Variants in APBA1 observed in about 807,000 individuals in gnomAD.
APBA1 encodes the protein amyloid-beta A4 precursor protein-binding family A member 1.
APBA1 carries 55 observed loss-of-function variants against 86.6 expected under a neutral mutation model. That is an observed-to-expected ratio of 0.64 (90% CI 0.51 to 0.80). The LOEUF is 0.80. APBA1 is among the 30% of genes least tolerant of loss of function. The pLI is 0.00. For synonymous variants in APBA1, 511 were observed against 493.9 expected, an observed-to-expected ratio of 1.03 and a Z score of -0.46; for missense variants, 1,090 against 1,183.0, an observed-to-expected ratio of 0.92 and a Z score of 1.15.
intron 2 of APBA1, among the ~76,000 whole-genome samples, chr9:69,505,236 C>T (rs1835939722): frequency 6.6e-6 from 1 of 152,214 alleles, no homozygotes; most frequent in Admixed American, 6.5e-5. Flanking sequence ...AGGCGCACAG[C>T]CATCTTGTGA....
chr9:69,604,344 G>A (rs1822419212), intron 1 of APBA1, among the ~76,000 whole-genome samples: 1 of 146,794 alleles, frequency 6.8e-6, no homozygotes, highest in African/African-American at 2.5e-5. Context: ...ACACATGAGG[G>A]TAAGTGGAGA....
intron 6 of APBA1, 138 bp downstream of exon 6, chr9:69,458,018 T>C: frequency 1.2e-6 from 1 of 841,170 alleles, no homozygotes; most frequent in Non-Finnish European, 1.8e-6. Flanking sequence ...CGCTGGCTTA[T>C]GGGGCGGTTC....
intron 1 of APBA1, among the ~76,000 whole-genome samples, chr9:69,595,891 C>A (rs1032483369): frequency 7.2e-5 from 11 of 152,174 alleles, no homozygotes; most frequent in African/African-American, 2.7e-4. Flanking sequence ...ATCAGTGATG[C>A]TTCAGAGGGG....
chr9:69,517,093 G>A lies in APBA1; in HGVS notation c.118C>T (p.Gln40Ter), dbSNP rs774292528. ...EHPEVEEEQQ[Q>*]PPQQQHYVGR... ...ACATAGTGCTGCTGCTGCGGCGGCT[G>A]CTGCTGTTCCTCTTCCACCTCGGGG... is the stretch of plus-strand genomic sequence containing the variant. The change falls in exon 2 of 13, where the codon CAG becomes TAG. Residue 40 changes from glutamine (Q) to a stop codon, truncating the protein, a stop_gained. Transcript: ENST00000265381. LOFTEE classifies it high-confidence loss of function. 1.3e-6 allele frequency: 2 copies of A among 1,579,636 alleles called. No homozygotes were observed. The highest frequency in any genetic ancestry group is 1.3e-5 in the African/African-American group (1 of 74,376).
At chr9:69,549,755 T>A (rs1202629293) in intron 1 of APBA1, among the ~76,000 whole-genome samples, 1 of 152,112 alleles carries the variant, frequency 6.6e-6, no homozygotes, top group Non-Finnish European at 1.5e-5. Context: ...AAATCGTAAC[T>A]TTTTCAAAAA....
chr9:69,565,125 C>T (rs1393260068), intron 1 of APBA1, among the ~76,000 whole-genome samples: 1 of 151,992 alleles, frequency 6.6e-6, no homozygotes. Flanking sequence ...AAGTAAGAGG[C>T]AGAAAACAAG....
At chr9:69,636,828 A>G (rs950169275) in intron 1 of APBA1, among the ~76,000 whole-genome samples, 1,043 of 6,398 alleles carry the variant, frequency 0.16, 14 homozygotes, top group Middle Eastern at 0.5. Flanking sequence ...AGAGAGAGAG[A>G]GAGGGAGGGA....
Position 69,440,912 on chromosome 9 carries a change from G to A in APBA1, c.2301+84C>T, listed in dbSNP as rs75438348. On this transcript the variant is annotated intron_variant, in intron 11 of 12. Transcript: ENST00000265381. The stretch of plus-strand genomic sequence containing the variant: ...TGTAGACTGGAGCTGTTCCTATTTA[G>A]CCATCTTGGCTCCACCCCCCCAGCC... The A allele has an allele frequency of 0.011, 16,398 of 1,516,946 alleles. 1,502 individuals are homozygous for A. In the African/African-American group the frequency reaches 0.2, roughly 18 times the overall value. 94.0% of individuals were successfully genotyped at this position (1,516,946 alleles called of 1,614,324 possible). A position where few individuals can be genotyped will look rare whatever the true frequency, so the allele number is the denominator to read the frequency against.
chr9:69,563,651 T>A (rs1393015580), intron 1 of APBA1, among the ~76,000 whole-genome samples: 1 of 147,502 alleles, frequency 6.8e-6, no homozygotes, highest in East Asian at 1.9e-4. Context: ...TGGTTTTAAT[T>A]TTTTTTTTTT....
chr9:69,555,923 T>C lies in APBA1; in HGVS notation c.-69-38644A>G, dbSNP rs144253848. 9.8e-5 allele frequency among the ~76,000 whole-genome samples: 15 copies of C among 152,334 alleles called. No homozygotes were observed. The East Asian group carries it at 2.5e-3, about 25-fold the overall frequency. ...ATATAATGAGAATATTATCCATTTA[T>C]CTGTTAAAGTTTGTTTATGACTCAG... On this transcript the variant is annotated intron_variant, in intron 1 of 12. Coordinates refer to ENST00000265381, the MANE Select transcript of APBA1 (RefSeq NM_001163.4).
intron 1 of APBA1, among the ~76,000 whole-genome samples, chr9:69,658,794 G>A (rs1040146655): frequency 6.6e-6 from 1 of 151,896 alleles, no homozygotes; most frequent in African/African-American, 2.4e-5. Flanking sequence ...ACCCTTTCAT[G>A]TCAAGAGCCA....
chr9:69,656,489 C>T (rs1823613640), intron 1 of APBA1, among the ~76,000 whole-genome samples: 1 of 152,136 alleles, frequency 6.6e-6, no homozygotes, highest in Admixed American at 6.5e-5. Flanking sequence ...TATGATTCCA[C>T]GCAGATGAAG....
chr9:69,609,420 T>C (rs1822537926), intron 1 of APBA1, among the ~76,000 whole-genome samples: 1 of 152,236 alleles, frequency 6.6e-6, no homozygotes, highest in African/African-American at 2.4e-5. Flanking sequence ...GTGCTACCTT[T>C]GTTACTGATC....
In APBA1 at chr9:69,538,916, G is replaced by A. The variant is rs548463679; in HGVS notation, c.-69-21637C>T. On this transcript the variant is annotated intron_variant, in intron 1 of 12. Transcript: ENST00000265381. The stretch of plus-strand genomic sequence containing the variant: ...GAATCAGCTTTTGTCTGGGTCACCA[G>A]TGAGTTCCATATTGCAATATCTTGT... 2.0e-5 allele frequency among the ~76,000 whole-genome samples: 3 copies of A among 152,284 alleles called. No individual in the cohort carries two copies. The East Asian group carries it at 5.8e-4, about 29-fold the overall frequency.
chr9:69,625,548 G>A (rs949489807), intron 1 of APBA1, among the ~76,000 whole-genome samples: 2 of 152,066 alleles, frequency 1.3e-5, no homozygotes, highest in African/African-American at 4.8e-5. Context: ...GGAGAACACT[G>A]AGGTTGCCTG....
chr9:69,550,724 A>T (rs1836770186), intron 1 of APBA1, among the ~76,000 whole-genome samples: 1 of 152,238 alleles, frequency 6.6e-6, no homozygotes, highest in Non-Finnish European at 1.5e-5. Context: ...TGCTGTAAAG[A>T]GAATAAACAA....
At position 69,498,344 on chromosome 9, in the gene APBA1, T is replaced by C. The variant is rs1024956526; in HGVS notation, c.1200+17667A>G. Among the ~76,000 whole-genome samples the C allele has an allele frequency of 2.6e-5, 4 of 152,022 alleles. 1 individual carries two copies. In the East Asian group the frequency reaches 7.7e-4, roughly 29 times the overall value. ...GAAGCTGAGTCCTGCCCCACAAGCATGTGAGCTTGAGATGACTGCAGGCCA... is the reference window on the plus strand; with the variant it reads ...GAAGCTGAGTCCTGCCCCACAAGCACGTGAGCTTGAGATGACTGCAGGCCA... On this transcript the variant is annotated intron_variant, in intron 2 of 12. Transcript: ENST00000265381.
chr9:69,460,056 C>T (rs1835164806), intron 5 of APBA1, among the ~76,000 whole-genome samples: 1 of 152,178 alleles, frequency 6.6e-6, no homozygotes, highest in African/African-American at 2.4e-5. Context: ...TGGGTACTCA[C>T]CTGGTAGAAA....
At chr9:69,450,160 C>T (rs7022653) in intron 9 of APBA1, among the ~76,000 whole-genome samples, 7,938 of 147,448 alleles carry the variant, frequency 0.054, 694 homozygotes, top group African/African-American at 0.19. Flanking sequence ...CTAGAAATAG[C>T]TTTTCAAATT....
Sources: gnomAD v4.1 joint callset for allele counts (sites outside exome capture counted in the v4.1 genomes callset) on GRCh38, gnomAD v4.1.1 for gene constraint, MANE v1.5 for transcripts, NCBI Gene and HGNC (gene_info 2026-07-23, HGNC 2026-07-21) for gene names.